Variants in KCND2 observed in about 807,000 individuals in gnomAD.
KCND2 encodes the protein potassium voltage-gated channel subfamily D member 2.
A neutral mutation model predicts 54.4 loss-of-function variants in KCND2; 16 were observed. The observed-to-expected ratio is 0.29, with a 90% CI of 0.20 to 0.45. The LOEUF (loss-of-function observed/expected upper bound fraction) is 0.45, where lower values mean the gene tolerates loss of function less well. KCND2 is among the 20% of genes least tolerant of loss of function. KCND2 has a pLI of 1.00. For missense variants in KCND2, 486 were observed against 824.2 expected (o/e 0.59, Z 5.02); for synonymous variants, 317 against 310.7 (o/e 1.02, Z -0.21).
At chr7:120,491,500 A>G (rs1456519537) in intron 1 of KCND2, among the ~76,000 whole-genome samples, 1 of 152,116 alleles carries the variant, frequency 6.6e-6, no homozygotes, top group Admixed American at 6.6e-5. Context: ...TCTTTAGTAG[A>G]ACTATATGTG....
chr7:120,520,293 T>TA (rs992249988), intron 1 of KCND2, among the ~76,000 whole-genome samples: 2 of 151,948 alleles, frequency 1.3e-5, no homozygotes, highest in African/African-American at 4.8e-5. Flanking sequence ...CTCCTAAATA[T>TA]AAAAAAAGTT....
intron 1 of KCND2, among the ~76,000 whole-genome samples, chr7:120,665,554 G>A (rs1232484780): frequency 1.3e-5 from 2 of 151,720 alleles, no homozygotes; most frequent in Non-Finnish European, 2.9e-5. Context: ...ATTCCTTCAG[G>A]GTATGAAGGC....
intron 1 of KCND2, among the ~76,000 whole-genome samples, chr7:120,558,791 T>C (rs917801282): frequency 6.6e-6 from 1 of 152,134 alleles, no homozygotes; most frequent in African/African-American, 2.4e-5. Flanking sequence ...TTCCTTAAAA[T>C]ATCTACTCTC....
chr7:120,369,902 T>G (rs1295724871), intron 1 of KCND2, among the ~76,000 whole-genome samples: 1 of 152,054 alleles, frequency 6.6e-6, no homozygotes, highest in Non-Finnish European at 1.5e-5. Flanking sequence ...ATCATGAACT[T>G]ATACATATAT....
At chr7:120,705,724 G>A (rs1792459229) in intron 1 of KCND2, among the ~76,000 whole-genome samples, 1 of 152,092 alleles carries the variant, frequency 6.6e-6, no homozygotes, top group Non-Finnish European at 1.5e-5. Flanking sequence ...TTAAATAAAT[G>A]AGAAATATAA....
intron 1 of KCND2, among the ~76,000 whole-genome samples, chr7:120,333,813 A>G (rs1057496297): frequency 2.0e-5 from 3 of 152,164 alleles, no homozygotes; most frequent in Non-Finnish European, 4.4e-5. Flanking sequence ...ATGGTTGCTC[A>G]GTATTACACT....
chr7:120,416,344 T>C (rs990407333), intron 1 of KCND2, among the ~76,000 whole-genome samples: 1 of 152,184 alleles, frequency 6.6e-6, no homozygotes, highest in African/African-American at 2.4e-5. Context: ...AGGGCACCCC[T>C]ACTCACACAC....
intron 1 of KCND2, among the ~76,000 whole-genome samples, chr7:120,310,274 A>G (rs1235850278): frequency 6.6e-6 from 1 of 152,244 alleles, no homozygotes; most frequent in African/African-American, 2.4e-5. Context: ...CTAAAATTGC[A>G]AAAATTATAG....
intron 1 of KCND2, among the ~76,000 whole-genome samples, chr7:120,535,688 GT>G (rs1476070235): frequency 2.0e-5 from 3 of 152,128 alleles, no homozygotes; most frequent in Non-Finnish European, 4.4e-5. Flanking sequence ...TGAATTTCTA[GT>G]TCTTATCATT....
intron 1 of KCND2, among the ~76,000 whole-genome samples, chr7:120,354,524 T>G (rs1398385015): frequency 6.6e-6 from 1 of 152,224 alleles, no homozygotes; most frequent in Non-Finnish European, 1.5e-5. Context: ...GTAACTGCAC[T>G]TTTGGCAACT....
chr7:120,342,201 A>G (rs770860081), intron 1 of KCND2, among the ~76,000 whole-genome samples: 1 of 152,192 alleles, frequency 6.6e-6, no homozygotes, highest in Admixed American at 6.5e-5. Flanking sequence ...GGCTCCAATC[A>G]TGGCTCTGCC....
intron 1 of KCND2, among the ~76,000 whole-genome samples, chr7:120,336,411 G>A (rs1177361478): frequency 4.6e-5 from 7 of 151,916 alleles, no homozygotes; most frequent in Non-Finnish European, 1.0e-4. Flanking sequence ...CTCTTGACAC[G>A]GTCCATCTTG....
At chr7:120,410,369 AT>A (rs1005273557) in intron 1 of KCND2, among the ~76,000 whole-genome samples, 19 of 152,022 alleles carry the variant, frequency 1.2e-4, no homozygotes, top group African/African-American at 4.3e-4. Flanking sequence ...TTTGGCTATT[AT>A]AGGTTCTTTG....
At chr7:120,684,314 C>T (rs1792175079) in intron 1 of KCND2, among the ~76,000 whole-genome samples, 1 of 151,976 alleles carries the variant, frequency 6.6e-6, no homozygotes, top group Non-Finnish European at 1.5e-5. Context: ...TAATCTAGTA[C>T]ACGTAATTAG....
At chr7:120,367,688 G>A (rs1800707363) in intron 1 of KCND2, among the ~76,000 whole-genome samples, 1 of 150,048 alleles carries the variant, frequency 6.7e-6, no homozygotes, top group Non-Finnish European at 1.5e-5. Context: ...TTTTAGAAAT[G>A]TTATTCTCAT....
intron 1 of KCND2, among the ~76,000 whole-genome samples, chr7:120,580,553 T>G (rs1792502232): frequency 6.6e-6 from 1 of 152,212 alleles, no homozygotes; most frequent in African/African-American, 2.4e-5. Context: ...CAGACAGTCC[T>G]GCATTGTTTA....
In KCND2 at chr7:120,380,174, T is replaced by G. The variant is rs547314810; in HGVS notation, c.1115+104427T>G. Among the ~76,000 whole-genome samples the G allele has an allele frequency of 1.4e-3, 218 of 152,212 alleles. 1 individual carries two copies. Among genetic ancestry groups the G allele is most frequent in the African/African-American group, 5.2e-3 (215 of 41,564 alleles). ...AGCTACTGCACAAAGAAGAGAACAC[T>G]GATACCCATACATATTTTATGTAGG... is the stretch of plus-strand genomic sequence containing the variant. On this transcript the variant is annotated intron_variant, in intron 1 of 5. Transcript: ENST00000331113.
chr7:120,369,240 A>G (rs544974882), intron 1 of KCND2, among the ~76,000 whole-genome samples: 50 of 152,066 alleles, frequency 3.3e-4, no homozygotes, highest in Non-Finnish European at 6.8e-4. Context: ...TTGTTGTCCT[A>G]AAAAAAGAAA....
chr7:120,713,859 C>T (rs1181876397), intron 1 of KCND2, among the ~76,000 whole-genome samples: 2 of 152,098 alleles, frequency 1.3e-5, no homozygotes, highest in East Asian at 1.9e-4. Context: ...TTTTGACATA[C>T]TAGTCTTGTT....
Sources: gnomAD v4.1 joint callset for allele counts (sites outside exome capture counted in the v4.1 genomes callset) on GRCh38, gnomAD v4.1.1 for gene constraint, MANE v1.5 for transcripts, NCBI Gene and HGNC (gene_info 2026-07-23, HGNC 2026-07-21) for gene names.